CHAD: variants seen among roughly 807,000 people sequenced by gnomAD.
CHAD encodes chondroadherin, also known as cartilage leucine-rich protein.
CHAD carries 18 observed loss-of-function variants against 24.0 expected under a neutral mutation model. The observed-to-expected ratio is 0.75, with a 90% CI of 0.52 to 1.11. CHAD has a LOEUF of 1.11. Ranked by LOEUF, CHAD falls within the 50% of genes most tolerant of loss-of-function variation. CHAD has a pLI of 0.00. For synonymous variants in CHAD, 195 were observed against 211.6 expected (o/e 0.92, Z 0.68); for missense variants, 440 against 467.2 (o/e 0.94, Z 0.54).
At position 50,465,325 on chromosome 17, in the gene CHAD, CT is replaced by C. The variant is rs2032631166; in HGVS notation, c.1052del (p.Lys351ArgfsTer45). The C allele has an allele frequency of 1.2e-6, 2 of 1,614,082 alleles. No homozygotes were observed. The highest frequency in any genetic ancestry group is 4.5e-5 in the East Asian group (2 of 44,864). On this transcript the variant is annotated frameshift_variant, in exon 3 of 4. Coordinates refer to ENST00000508540, the MANE Select transcript of CHAD (RefSeq NM_001267.3). LOFTEE classifies it high-confidence loss of function. ...AATGGCGGCCAGCTTTCTTGGACCTCTTGGTGGGGAACTTGCAGCTGCGGAA... is the reference window on the plus strand; with the variant it reads ...AATGGCGGCCAGCTTTCTTGGACCTCTGGTGGGGAACTTGCAGCTGCGGAA... ...DAFRSCKFPT[K>X]RSKKAGRH
rs148646321 is a variant in CHAD at position 50,465,306 on chromosome 17, G to C, written c.1072C>G (p.Arg358Gly). The C allele has an allele frequency of 6.2e-7, 1 of 1,613,982 alleles. No homozygotes were observed. The highest frequency in any genetic ancestry group is 1.3e-5 in the African/African-American group (1 of 74,910). Reference protein sequence around the residue: ...FPTKRSKKAGRH With the variant: ...FPTKRSKKAGGH ...ACCTGGCCCCCACCTGTTTAATGGC[G>C]GCCAGCTTTCTTGGACCTCTTGGTG... Residue 358 changes from arginine (R) to glycine (G), a missense_variant, in exon 3 of 4, where the codon CGC becomes GGC. Physicochemically the swap from Arg to Gly is moderately radical, Grantham distance 125. Transcript: ENST00000508540.
Position 50,466,311 on chromosome 17 carries a change from G to A in CHAD, c.775-441C>T, listed in dbSNP as rs540075409. On this transcript the variant is annotated intron_variant, in intron 1 of 3. Transcript: ENST00000508540. ...TCACCATGTTAGCCAGGATGGTCTC[G>A]ATCTCCTGACCTCGTGATCTACCCG... Among the ~76,000 whole-genome samples, 74 of 151,932 alleles carry A rather than the reference G, an allele frequency of 4.9e-4. 1 individual carries two copies. Among genetic ancestry groups the A allele is most frequent in the African/African-American group, 1.8e-3 (73 of 41,424 alleles).
At position 50,468,833 on chromosome 17, in the gene CHAD, G is replaced by C. The variant is rs1879370688; in HGVS notation, c.-20C>G. The C allele has an allele frequency of 6.8e-7, 1 of 1,477,974 alleles. No individual in the cohort carries two copies. The highest frequency in any genetic ancestry group is 8.9e-7 in the Non-Finnish European group (1 of 1,122,630). 91.6% of individuals were successfully genotyped at this position (1,477,974 alleles called of 1,614,324 possible). A position where few individuals can be genotyped will look rare whatever the true frequency, so the allele number is the denominator to read the frequency against. On this transcript the variant is annotated 5_prime_UTR_variant, in exon 1 of 4. Coordinates refer to ENST00000508540, the MANE Select transcript of CHAD (RefSeq NM_001267.3). ...GACCATGGCTGGGACGCCTGGGGCCGGGGCTGGGGGCAGCAGCGGCGGCGG... is the reference window on the plus strand; with the variant it reads ...GACCATGGCTGGGACGCCTGGGGCCCGGGCTGGGGGCAGCAGCGGCGGCGG...
rs761691099 is a variant in CHAD at position 50,464,831 on chromosome 17, G to T, written c.*223C>A. ...GCTGGAGGGTGGGGAAGGCATGAAG[G>T]CTGGGGAGAGGCTCAGCCTTCCTTC... On this transcript the variant is annotated 3_prime_UTR_variant, in exon 4 of 4. Coordinates refer to ENST00000508540, the MANE Select transcript of CHAD (RefSeq NM_001267.3). The T allele has an allele frequency of 5.0e-5, 18 of 357,390 alleles. No individual in the cohort carries two copies. The highest frequency in any genetic ancestry group is 7.7e-5 in the Non-Finnish European group (14 of 182,540). The allele number at this position is 357,390 out of a possible 1,614,324, so 22.1% of individuals were successfully genotyped here.
chr17:50,465,005 C>T lies in CHAD; in HGVS notation c.*49G>A, dbSNP rs552576005. 2.6e-4 allele frequency: 115 copies of T among 435,000 alleles called. No individual in the cohort carries two copies. The highest frequency in any genetic ancestry group is 1.6e-3 in the African/African-American group (82 of 50,004). The allele number at this position is 435,000 out of a possible 1,614,324, so 26.9% of individuals were successfully genotyped here. On this transcript the variant is annotated 3_prime_UTR_variant, in exon 4 of 4. Transcript: ENST00000508540. ...GAGGTGAGAAGGTCAGTAGTCTCTC[C>T]GGTGGAAGGCAGAGGCCAGTCACCA... is the stretch of plus-strand genomic sequence containing the variant.
At chr17:50,465,570 G>C in intron 2 of CHAD, 131 bp from the exon 3 acceptor site, 2 of 1,455,414 alleles carry the variant, frequency 1.4e-6, no homozygotes, top group Non-Finnish European at 1.9e-6. Flanking sequence ...TTTACAAATG[G>C]GGAAACTGAG....
chr17:50,468,786 G>A lies in CHAD; in HGVS notation c.28C>T (p.Leu10Phe), dbSNP rs1271334951. 6.4e-7 allele frequency: 1 copy of A among 1,564,178 alleles called. No homozygotes were observed. The highest frequency in any genetic ancestry group is 8.6e-7 in the Non-Finnish European group (1 of 1,160,572). The change falls in exon 1 of 4, where the codon CTC becomes TTC. Residue 10 changes from leucine to phenylalanine, a missense_variant. Physicochemically the swap from Leu to Phe is conservative, Grantham distance 22 (BLOSUM62 0). Coordinates refer to ENST00000508540, the MANE Select transcript of CHAD (RefSeq NM_001267.3). ...GGCAGCAGACCAGCCAGGAGGCCGA[G>A]GCTGAGCAAGAGCATTGGGCGGACC... MVRPMLLLS[L>F]GLLAGLLPAL...
rs1421000460 is a variant in CHAD, at chr17:50,465,050, C to A, written c.*5-1G>T. Reference sequence around the variant, plus strand: ...TCACCAGGACTGGCTGGGTCAGAACCTGCAAAGAGGCAAAGATCGATGTCA... The same window carrying A: ...TCACCAGGACTGGCTGGGTCAGAACATGCAAAGAGGCAAAGATCGATGTCA... On this transcript the variant is annotated splice_acceptor_variant, in intron 3 of 3. Transcript: ENST00000508540. LOFTEE classifies it low-confidence loss of function (3UTR_SPLICE). 1.9e-6 allele frequency: 1 copy of A among 530,938 alleles called. No homozygotes were observed. Among genetic ancestry groups the A allele is most frequent in the Non-Finnish European group, 3.4e-6 (1 of 296,120 alleles). The allele number at this position is 530,938 out of a possible 1,614,324, so 32.9% of individuals were successfully genotyped here. A position where few individuals can be genotyped will look rare whatever the true frequency, so the allele number is the denominator to read the frequency against.
chr17:50,466,026 G>A (rs529156381), intron 1 of CHAD, among the ~76,000 whole-genome samples, 156 bp from the exon 2 acceptor site: 68 of 147,838 alleles, frequency 4.6e-4, no homozygotes, highest in Non-Finnish European at 8.2e-4. Flanking sequence ...AGTGATCTCA[G>A]ATAATCCAAT....
Position 50,468,123 on chromosome 17 carries a change from G to T in CHAD, c.691C>A (p.Leu231Met). The T allele has an allele frequency of 1.9e-6, 3 of 1,614,134 alleles. No individual in the cohort carries two copies. Among genetic ancestry groups the T allele is most frequent in the Non-Finnish European group, 2.5e-6 (3 of 1,179,974 alleles). ...AAGGCATTGTCCGGGATGCTTTTCA[G>T]GGGGTTGTGGGACAGCTTCAGCTCC... ...VEELKLSHNP[L>M]KSIPDNAFQS... The change falls in exon 1 of 4, where the codon CTG (leucine) becomes ATG (methionine). Residue 231 changes from leucine to methionine, a missense_variant. Transcript: ENST00000508540.
rs2032885816 is a variant in CHAD at position 50,468,385 on chromosome 17, G to A, written c.429C>T (p.Leu143=). 6.2e-7 allele frequency: 1 copy of A among 1,614,222 alleles called. No homozygotes were observed. Among genetic ancestry groups the A allele is most frequent in the Non-Finnish European group, 8.5e-7 (1 of 1,180,044 alleles). Reference sequence around the variant, plus strand: ...AGATGAAGAGGTTGACCAGCGGGGAGAGCAACCCCCGGGGCAGCTCAGTGA... The same window carrying A: ...AGATGAAGAGGTTGACCAGCGGGGAAAGCAACCCCCGGGGCAGCTCAGTGA... ...NKVTELPRGL[L]SPLVNLFILQ... is the part of the protein sequence containing the mutation. The change falls in exon 1 of 4, where the codon CTC becomes CTT. Residue 143 remains leucine, a synonymous_variant. Transcript: ENST00000508540.
intron 2 of CHAD, 36 bp from the exon 3 acceptor site, chr17:50,465,475 AG>A: frequency 6.2e-7 from 1 of 1,611,498 alleles, no homozygotes; most frequent in Non-Finnish European, 8.5e-7. Context: ...CTGGGGAAGA[AG>A]GTGGGAGTGC....
Position 50,465,368 on chromosome 17 carries a change from A to G in CHAD, c.1010T>C (p.Ile337Thr). ...GCTGCGGAAGGCGTCCGTGTCACGG[A>G]TGTGCTGGCCCTTGAACTTGGCAGG... ...ASPAKFKGQH[I>T]RDTDAFRSCK... Residue 337 changes from isoleucine (I) to threonine (T), a missense_variant, in exon 3 of 4, where the codon ATC becomes ACC. Transcript: ENST00000508540. 1 of 1,613,960 alleles carries G rather than the reference A, an allele frequency of 6.2e-7. No individual in the cohort carries two copies. Among genetic ancestry groups the G allele is most frequent in the South Asian group, 1.1e-5 (1 of 91,060 alleles).
rs1351826998 is a variant in CHAD at position 50,468,816 on chromosome 17, C to G, written c.-3G>C. On this transcript the variant is annotated 5_prime_UTR_variant, in exon 1 of 4. Transcript: ENST00000508540. ...AGCAAGAGCATTGGGCGGACCATGG[C>G]TGGGACGCCTGGGGCCGGGGCTGGG... The G allele has an allele frequency of 1.3e-6, 2 of 1,516,574 alleles. No individual in the cohort carries two copies. The highest frequency in any genetic ancestry group is 2.1e-5 in the Admixed American group (1 of 48,420). 93.9% of individuals were successfully genotyped at this position (1,516,574 alleles called of 1,614,324 possible).
chr17:50,465,303 G>A lies in CHAD; in HGVS notation c.1075C>T (p.His359Tyr), dbSNP rs760238803. 1.9e-6 allele frequency: 3 copies of A among 1,614,116 alleles called. No homozygotes were observed. The Admixed American group carries it at 5.0e-5, about 27-fold the overall frequency. The change falls in exon 3 of 4, where the codon CAT becomes TAT. Residue 359 changes from histidine (H) to tyrosine (Y), a missense_variant. By Grantham distance (83) the His-to-Tyr change is moderately conservative (BLOSUM62 2). Coordinates refer to ENST00000508540, the MANE Select transcript of CHAD (RefSeq NM_001267.3). Reference protein sequence around the residue: ...PTKRSKKAGRH With the variant: ...PTKRSKKAGRY Reference sequence around the variant, plus strand: ...TTTACCTGGCCCCCACCTGTTTAATGGCGGCCAGCTTTCTTGGACCTCTTG... The same window carrying A: ...TTTACCTGGCCCCCACCTGTTTAATAGCGGCCAGCTTTCTTGGACCTCTTG...
Position 50,468,568 on chromosome 17 carries a change from C to T in CHAD, c.246G>A (p.Leu82=). The T allele has an allele frequency of 6.2e-7, 1 of 1,614,250 alleles. No individual in the cohort carries two copies. Among genetic ancestry groups the T allele is most frequent in the South Asian group, 1.1e-5 (1 of 91,088 alleles). The change falls in exon 1 of 4, where the codon CTG becomes CTA. Residue 82 remains leucine (L), a synonymous_variant. Transcript: ENST00000508540. Reference sequence around the variant, plus strand: ...CCACCTCGCGGATCTGGCAGTGCTGCAGGTGCAATGACACGAGGTTCGGCA... The same window carrying T: ...CCACCTCGCGGATCTGGCAGTGCTGTAGGTGCAATGACACGAGGTTCGGCA... The part of the protein sequence containing the change: ...RAMPNLVSLH[L]QHCQIREVAA...
chr17:50,465,076 G>A, intron 3 of CHAD, 27 bp from the exon 4 acceptor site: 1 of 588,396 alleles, frequency 1.7e-6, no homozygotes, highest in Non-Finnish European at 3.0e-6. Flanking sequence ...ATCGATGTCA[G>A]TACTCCAACA....
In CHAD at chr17:50,468,716, A is replaced by C; in HGVS notation, c.98T>G (p.Leu33Arg). ...CACCTTGTCGCAGATGACGTGCTGC[A>C]GGTCGCTGTGGCAGTGGCAGTTCTG... ...CPQNCHCHSD[L>R]QHVICDKVGL... The change falls in exon 1 of 4, where the codon CTG becomes CGG. Residue 33 changes from leucine to arginine, a missense_variant. Coordinates refer to ENST00000508540, the MANE Select transcript of CHAD (RefSeq NM_001267.3). 1 of 1,612,384 alleles carries C rather than the reference A, an allele frequency of 6.2e-7. No individual in the cohort carries two copies. The highest frequency in any genetic ancestry group is 1.3e-5 in the African/African-American group (1 of 75,076).
intron 1 of CHAD, 21 bp downstream of exon 1, chr17:50,468,014 GGCAGA>G (rs770489125): frequency 3.2e-6 from 5 of 1,553,108 alleles, no homozygotes; most frequent in Non-Finnish European, 4.4e-6. Flanking sequence ...AAGGAACCAG[GGCAGA>G]GCCCACAGCC....
Sources: gnomAD v4.1 joint callset for allele counts (sites outside exome capture counted in the v4.1 genomes callset) on GRCh38, gnomAD v4.1.1 for gene constraint, MANE v1.5 for transcripts, NCBI Gene and HGNC (gene_info 2026-07-23, HGNC 2026-07-21) for gene names.